The following GSAP variants were observed in gnomAD, a reference collection of about 807,000 sequenced individuals.
GSAP encodes gamma-secretase activating protein.
In GSAP, 118 loss-of-function variants were observed where a neutral mutation model predicts 131.7. That is an observed-to-expected ratio of 0.90 (90% confidence interval 0.77 to 1.04). The LOEUF (loss-of-function observed/expected upper bound fraction) is 1.04. Among genes scored for constraint, GSAP ranks in the 50% least tolerant of loss-of-function variants. The pLI, the probability that GSAP is intolerant of heterozygous loss-of-function variation, is 0.00. For missense variants in GSAP, 1,019 were observed against 1,013.2 expected, an observed-to-expected ratio of 1.01 and a Z score of -0.08; for synonymous variants, 381 against 363.4, an observed-to-expected ratio of 1.05 and a Z score of -0.55.
At chr7:77,359,652 T>C (rs1794263981) in intron 14 of GSAP, among the ~76,000 whole-genome samples, 1 of 152,164 alleles carries the variant, frequency 6.6e-6, no homozygotes, top group South Asian at 2.1e-4. Context: ...AAAGACAACA[T>C]GTTTAAGATA....
At chr7:77,343,157 C>A (rs886880740) in intron 19 of GSAP, among the ~76,000 whole-genome samples, 1 of 151,806 alleles carries the variant, frequency 6.6e-6, no homozygotes, top group African/African-American at 2.4e-5. Flanking sequence ...TTTAGCCTAG[C>A]CTTCATGTCT....
intron 1 of GSAP, among the ~76,000 whole-genome samples, chr7:77,409,421 T>C (rs1417434440): frequency 6.6e-6 from 1 of 152,222 alleles, no homozygotes; most frequent in Non-Finnish European, 1.5e-5. Flanking sequence ...TACTATACTT[T>C]TCAATGAGAT....
At chr7:77,402,194 T>C (rs1490943417) in intron 3 of GSAP, among the ~76,000 whole-genome samples, 1 of 151,640 alleles carries the variant, frequency 6.6e-6, no homozygotes, top group East Asian at 1.9e-4. Context: ...ATTTTTTTTT[T>C]CTCTTGATGG....
rs76251942 is a variant in GSAP at position 77,329,453 on chromosome 7, C to G, written c.1675-62G>C. 6 of 871,584 alleles carry G rather than the reference C, an allele frequency of 6.9e-6. 1 individual carries two copies. The East Asian group carries it at 1.6e-4, about 23-fold the overall frequency. 54.0% of individuals were successfully genotyped at this position (871,584 alleles called of 1,614,324 possible). A position where few individuals can be genotyped will look rare whatever the true frequency, so the allele number is the denominator to read the frequency against. ...AGGTTTTATCGGTGACTTTTCACGT[C>G]AAGGATATAATGCAATACAGTTAAG... On this transcript the variant is annotated intron_variant, in intron 20 of 30. Coordinates refer to ENST00000257626, the MANE Select transcript of GSAP (RefSeq NM_017439.4).
intron 19 of GSAP, among the ~76,000 whole-genome samples, chr7:77,346,270 CAAAAAAA>C (rs1223497863): frequency 4.9e-5 from 2 of 40,904 alleles, no homozygotes; most frequent in African/African-American, 9.9e-5. Context: ...GACTCCATCT[CAAAAAAA>C]AAAAAAAAAA....
chr7:77,318,911 T>C (rs953469489), intron 26 of GSAP, among the ~76,000 whole-genome samples: 3 of 88,982 alleles, frequency 3.4e-5, no homozygotes, highest in African/African-American at 4.5e-5. Context: ...ATCCTGGGCC[T>C]GTTGTGGGGT....
At chr7:77,381,121 A>G (rs1797732660) in intron 8 of GSAP, among the ~76,000 whole-genome samples, 184 bp downstream of exon 8, 1 of 152,202 alleles carries the variant, frequency 6.6e-6, no homozygotes, top group African/African-American at 2.4e-5. Flanking sequence ...GTAGAGAAAA[A>G]GGGGATAATT....
intron 3 of GSAP, among the ~76,000 whole-genome samples, chr7:77,400,966 C>A (rs1255283349): frequency 6.7e-6 from 1 of 148,610 alleles, no homozygotes; most frequent in African/African-American, 2.5e-5. Context: ...ACAAAACCTC[C>A]ATGGGTAGGC....
At position 77,382,659 on chromosome 7, in the gene GSAP, T is replaced by G; in HGVS notation, c.457-16A>C. 3 of 1,378,280 alleles carry G rather than the reference T, an allele frequency of 2.2e-6. No homozygotes were observed. The highest frequency in any genetic ancestry group is 1.2e-5 in the South Asian group (1 of 86,294). The allele number at this position is 1,378,280 out of a possible 1,614,324, so 85.4% of individuals were successfully genotyped here. On this transcript the variant is annotated splice_polypyrimidine_tract_variant and intron_variant, in intron 6 of 30. Coordinates refer to ENST00000257626, the MANE Select transcript of GSAP (RefSeq NM_017439.4). ...GGTAGAGAAACTGTAAAAAAGAAAT[T>G]AATCATAATTGTAAGCAACTATCTT...
intron 8 of GSAP, chr7:77,379,710 C>G (rs1797501828): frequency 5.2e-6 from 1 of 193,526 alleles, no homozygotes; most frequent in Non-Finnish European, 9.4e-6. Flanking sequence ...GGGATTCAGC[C>G]TTGATCTTTC....
rs1257581249 is a variant in GSAP, at chr7:77,370,714, C to T, written c.871+3356G>A. On this transcript the variant is annotated intron_variant, in intron 12 of 30. Transcript: ENST00000257626. ...CCAGCTGCTGCCTCTGTCATGTCTA[C>T]ACATGCTGCTATGACTTTTCTCAAT... Among the ~76,000 whole-genome samples, 4 of 152,192 alleles carry T rather than the reference C, an allele frequency of 2.6e-5. No individual in the cohort carries two copies. The East Asian group carries it at 5.8e-4, about 22-fold the overall frequency.
intron 14 of GSAP, among the ~76,000 whole-genome samples, 157 bp from the exon 15 acceptor site, chr7:77,355,804 TTTA>T: frequency 6.7e-6 from 1 of 149,452 alleles, no homozygotes; most frequent in Non-Finnish European, 1.5e-5. Context: ...TTTTTTTTTT[TTTA>T]AGACAGGGTC....
At position 77,311,908 on chromosome 7, in the gene GSAP, G is replaced by A. The variant is rs1360087467; in HGVS notation, c.2406C>T (p.Phe802=). ...PRNSMINKSS[F]SVEFLPLNYF... is the part of the protein sequence containing the mutation. ...AGTTCAGAGGCAGAAATTCTACACT[G>A]AACGATGACTTGTTAATCATAGAAT... The change falls in exon 30 of 31, where the codon TTC becomes TTT. Residue 802 remains phenylalanine (F), a synonymous_variant. Transcript: ENST00000257626. 5 of 1,600,494 alleles carry A rather than the reference G, an allele frequency of 3.1e-6. No individual in the cohort carries two copies. Among genetic ancestry groups the A allele is most frequent in the Non-Finnish European group, 4.3e-6 (5 of 1,167,698 alleles).
intron 16 of GSAP, among the ~76,000 whole-genome samples, chr7:77,354,375 A>T: frequency 6.6e-6 from 1 of 152,220 alleles, no homozygotes; most frequent in East Asian, 1.9e-4. Flanking sequence ...CTTTGTAAAG[A>T]GTCAAAGGCA....
chr7:77,328,518 C>T (rs192667518), intron 22 of GSAP, 88 bp downstream of exon 22: 1 of 1,539,414 alleles, frequency 6.5e-7, no homozygotes, highest in Non-Finnish European at 8.7e-7. Flanking sequence ...AAGTGATTCT[C>T]TTGCCAACCC....
intron 19 of GSAP, chr7:77,331,919 CA>C (rs1236388231): frequency 6.8e-6 from 1 of 146,994 alleles, no homozygotes; most frequent in African/African-American, 2.5e-5. Flanking sequence ...AAAGACAAGA[CA>C]AATCCTGCAG....
In GSAP at chr7:77,311,266, C is replaced by T; in HGVS notation, c.*92G>A. On this transcript the variant is annotated 3_prime_UTR_variant, in exon 31 of 31. Coordinates refer to ENST00000257626, the MANE Select transcript of GSAP (RefSeq NM_017439.4). ...AATTATGGCTAAACTATTTTTGTTA[C>T]CAATTTTAAATATTGTTAAAGAATT... 1 of 820,140 alleles carries T rather than the reference C, an allele frequency of 1.2e-6. No individual in the cohort carries two copies. The highest frequency in any genetic ancestry group is 2.1e-6 in the Non-Finnish European group (1 of 483,616). 50.8% of individuals were successfully genotyped at this position (820,140 alleles called of 1,614,324 possible).
chr7:77,358,589 G>A (rs1039433798), intron 14 of GSAP, among the ~76,000 whole-genome samples: 2 of 152,166 alleles, frequency 1.3e-5, no homozygotes, highest in East Asian at 3.9e-4. Context: ...TTAGACTGAA[G>A]TTTTATATTT....
At position 77,311,924 on chromosome 7, in the gene GSAP, A is replaced by C; in HGVS notation, c.2390T>G (p.Ile797Ser). 1 of 1,594,428 alleles carries C rather than the reference A, an allele frequency of 6.3e-7. No individual in the cohort carries two copies. The highest frequency in any genetic ancestry group is 8.6e-7 in the Non-Finnish European group (1 of 1,162,148). ...NYKKQPRNSM[I>S]NKSSFSVEFL... Reference sequence around the variant, plus strand: ...TTCTACACTGAACGATGACTTGTTAATCATAGAATTCCGAGGCTAAAAGGG... The same window carrying C: ...TTCTACACTGAACGATGACTTGTTACTCATAGAATTCCGAGGCTAAAAGGG... Residue 797 changes from isoleucine (I) to serine (S), a missense_variant, in exon 30 of 31, where the codon ATT (isoleucine) becomes AGT (serine). Physicochemically the swap from Ile to Ser is moderately radical, Grantham distance 142. Coordinates refer to ENST00000257626, the MANE Select transcript of GSAP (RefSeq NM_017439.4).
Sources: gnomAD v4.1 joint callset for allele counts (sites outside exome capture counted in the v4.1 genomes callset) on GRCh38, gnomAD v4.1.1 for gene constraint, MANE v1.5 for transcripts, NCBI Gene and HGNC (gene_info 2026-07-23, HGNC 2026-07-21) for gene names.